The following ZNF583 variants were observed in gnomAD, a reference collection of about 807,000 sequenced individuals.
ZNF583 encodes zinc finger protein 583.
A neutral mutation model predicts 55.3 loss-of-function variants in ZNF583; 30 were observed. The ratio of observed to expected loss-of-function variants is 0.54; its 90% CI spans 0.41 to 0.74. The LOEUF is 0.74. Ranked by LOEUF, ZNF583 falls within the 30% of genes least tolerant of loss-of-function variation. The pLI is 0.00. For synonymous variants in ZNF583, 208 were observed against 220.0 expected, an observed-to-expected ratio of 0.95 and a Z score of 0.48; for missense variants, 504 against 664.7, an observed-to-expected ratio of 0.76 and a Z score of 2.66.
At chr19:56,407,441 G>T (rs951633875) in intron 2 of ZNF583, among the ~76,000 whole-genome samples, 94 of 152,230 alleles carry the variant, frequency 6.2e-4, no homozygotes, top group African/African-American at 1.9e-3. Context: ...TGAGACTGAG[G>T]TGTATGTTCA....
At position 56,423,844 on chromosome 19, in the gene ZNF583, G is replaced by A. The variant is rs1458908679; in HGVS notation, c.1186G>A (p.Ala396Thr). ...RKAFSQYAHL[A>T]QHQRVHTGEK... ...AGCCTTCAGCCAGTATGCACACCTT[G>A]CTCAACATCAGAGAGTTCATACTGG... The change falls in exon 5 of 5, where the codon GCT (alanine) becomes ACT (threonine). Residue 396 changes from alanine to threonine, a missense_variant. Ala to Thr is a moderately conservative substitution (Grantham distance 58). This residue lies in a region of ZNF583 where 237 missense variants were observed against 373.0 expected (regional missense o/e 0.64). Transcript: ENST00000333201. 3 of 1,613,766 alleles carry A rather than the reference G, an allele frequency of 1.9e-6. No individual in the cohort carries two copies. Among genetic ancestry groups the A allele is most frequent in the South Asian group, 1.1e-5 (1 of 91,060 alleles).
Position 56,423,040 on chromosome 19 carries a change from T to TA in ZNF583, c.383dup (p.Tyr128Ter). The change falls in exon 5 of 5, where the codon TAT (tyrosine) becomes TAAT (stop). Residue 128 changes from tyrosine to a stop codon, truncating the protein, a stop_gained and frameshift_variant. Transcript: ENST00000333201. LOFTEE classifies it high-confidence loss of function. ...AGAAGACTGTCAAAGTGAGGACTGG[T>TA]ATAAGAACCAGCTGGGAAGTCAAGA... ...LREDCQSEDWYKNQLGSQEVH... is the reference protein window; with the variant it reads ...LREDCQSEDW 2 of 1,614,006 alleles carry TA rather than the reference T, an allele frequency of 1.2e-6. No homozygotes were observed. Among genetic ancestry groups the TA allele is most frequent in the Non-Finnish European group, 1.7e-6 (2 of 1,179,950 alleles).
At chr19:56,416,345 A>G (rs1310047732) in intron 4 of ZNF583, among the ~76,000 whole-genome samples, 1 of 151,602 alleles carries the variant, frequency 6.6e-6, no homozygotes, top group East Asian at 1.9e-4. Context: ...AAAAAAAAGA[A>G]TACATTTATT....
At chr19:56,414,198 A>G in intron 3 of ZNF583, 113 bp downstream of exon 3, 12 of 1,523,702 alleles carry the variant, frequency 7.9e-6, no homozygotes, top group Non-Finnish European at 9.9e-6. Context: ...GCTTCCCAAA[A>G]TAGGTTGAAT....
chr19:56,423,182 A>T lies in ZNF583; in HGVS notation c.524A>T (p.Gln175Leu), dbSNP rs2042445387. 4 of 1,613,082 alleles carry T rather than the reference A, an allele frequency of 2.5e-6. No individual in the cohort carries two copies. In the African/African-American group the frequency reaches 5.3e-5, roughly 22 times the overall value. Reference sequence around the variant, plus strand: ...CAGGATACAATCTTTGATATACAACAGAGTTTTCCCACCAAAGAAAAAGCA... The same window carrying T: ...CAGGATACAATCTTTGATATACAACTGAGTTTTCCCACCAAAGAAAAAGCA... ...FHQDTIFDIQ[Q>L]SFPTKEKAHK... Residue 175 changes from glutamine (Q) to leucine (L), a missense_variant, in exon 5 of 5, where the codon CAG becomes CTG. Transcript: ENST00000333201.
chr19:56,412,211 T>C (rs2042248979), intron 2 of ZNF583, among the ~76,000 whole-genome samples: 1 of 152,214 alleles, frequency 6.6e-6, no homozygotes, highest in Non-Finnish European at 1.5e-5. Context: ...TTCAGGTGTG[T>C]ACCATTGAAT....
Position 56,424,503 on chromosome 19 carries a change from T to C in ZNF583, c.*135T>C. ...TGTACTCACCATTGTCTCTGTCAGA[T>C]GTCCACATTGCAACCAAATTTGTAT... On this transcript the variant is annotated 3_prime_UTR_variant, in exon 5 of 5. Coordinates refer to ENST00000333201, the MANE Select transcript of ZNF583 (RefSeq NM_152478.3). The C allele has an allele frequency of 1.8e-6, 1 of 546,946 alleles. No homozygotes were observed. The highest frequency in any genetic ancestry group is 3.2e-6 in the Non-Finnish European group (1 of 309,136). 33.9% of individuals were successfully genotyped at this position (546,946 alleles called of 1,614,324 possible).
Position 56,425,143 on chromosome 19 carries a change from G to A in ZNF583, c.*775G>A, listed in dbSNP as rs1415772727. 6.6e-6 allele frequency: 1 copy of A among 151,892 alleles called. No individual in the cohort carries two copies. 9.4% of individuals were successfully genotyped at this position (151,892 alleles called of 1,614,324 possible). ...ATTTACATTAGAGTCCATGATATAGGGTAAGATGGTGGCTTGTATCAGCAT... is the reference window on the plus strand; with the variant it reads ...ATTTACATTAGAGTCCATGATATAGAGTAAGATGGTGGCTTGTATCAGCAT... On this transcript the variant is annotated 3_prime_UTR_variant, in exon 5 of 5. Transcript: ENST00000333201.
Position 56,423,767 on chromosome 19 carries a change from A to G in ZNF583, c.1109A>G (p.His370Arg). The G allele has an allele frequency of 1.2e-6, 2 of 1,613,746 alleles. No homozygotes were observed. The highest frequency in any genetic ancestry group is 1.7e-6 in the Non-Finnish European group (2 of 1,179,940). Residue 370 changes from histidine (H) to arginine (R), a missense_variant, in exon 5 of 5, where the codon CAT becomes CGT. Transcript: ENST00000333201. ...AFSHRGYLIV[H>R]QRIHTGERPY... ...AGCCATCGTGGATACCTAATTGTAC[A>G]TCAGAGAATTCATACTGGAGAGAGA...
intron 4 of ZNF583, among the ~76,000 whole-genome samples, chr19:56,418,739 A>G (rs569090103): frequency 6.6e-6 from 1 of 151,846 alleles, no homozygotes; most frequent in Admixed American, 6.6e-5. Context: ...TGATCCTTAT[A>G]CCTTATTTTT....
chr19:56,422,777 C>T, intron 4 of ZNF583, 114 bp from the exon 5 acceptor site: 2 of 661,004 alleles, frequency 3.0e-6, no homozygotes, highest in South Asian at 2.5e-5. Context: ...TTTTAGAATG[C>T]ATTATAAGCT....
intron 4 of ZNF583, among the ~76,000 whole-genome samples, chr19:56,421,763 G>A (rs1165090702): frequency 6.6e-6 from 1 of 152,074 alleles, no homozygotes; most frequent in South Asian, 2.1e-4. Context: ...TCAAGGGTGA[G>A]AAAAAAACTT....
intron 2 of ZNF583, 89 bp downstream of exon 2, chr19:56,407,212 A>G (rs1478234581): frequency 2.0e-6 from 3 of 1,477,704 alleles, no homozygotes; most frequent in Non-Finnish European, 2.8e-6. Context: ...AAATTCTGCA[A>G]CCTAATAAGG....
chr19:56,422,692 T>G (rs962814707), intron 4 of ZNF583, among the ~76,000 whole-genome samples, 199 bp from the exon 5 acceptor site: 1 of 152,220 alleles, frequency 6.6e-6, no homozygotes, highest in South Asian at 2.1e-4. Context: ...TTTGTTCTTA[T>G]ATTTACCTTA....
Position 56,424,597 on chromosome 19 carries a change from G to T in ZNF583, c.*229G>T, listed in dbSNP as rs377723279. 4.4e-6 allele frequency: 2 copies of T among 454,252 alleles called. No homozygotes were observed. The allele number at this position is 454,252 out of a possible 1,614,324, so 28.1% of individuals were successfully genotyped here. A position where few individuals can be genotyped will look rare whatever the true frequency, so the allele number is the denominator to read the frequency against. On this transcript the variant is annotated 3_prime_UTR_variant, in exon 5 of 5. Coordinates refer to ENST00000333201, the MANE Select transcript of ZNF583 (RefSeq NM_152478.3). ...CTCAGTGGCATCCCATGGTTTTTAA[G>T]TTAAAGCACACATTCTTCAAAATAG...
rs755393034 is a variant in ZNF583 at position 56,426,012 on chromosome 19, G to A, written c.*1644G>A. ...CAAACAGAATGACGAAAGTTTAATGGAGGATGAAAAAGAAGACAAATAAAT... is the reference window on the plus strand; with the variant it reads ...CAAACAGAATGACGAAAGTTTAATGAAGGATGAAAAAGAAGACAAATAAAT... On this transcript the variant is annotated 3_prime_UTR_variant, in exon 5 of 5. Transcript: ENST00000333201. The A allele has an allele frequency of 3.0e-4, 46 of 152,116 alleles. No individual in the cohort carries two copies. Among genetic ancestry groups the A allele is most frequent in the Admixed American group, 2.9e-3 (44 of 15,268 alleles). 9.4% of individuals were successfully genotyped at this position (152,116 alleles called of 1,614,324 possible).
intron 1 of ZNF583, among the ~76,000 whole-genome samples, chr19:56,405,264 G>C (rs1341861150): frequency 2.6e-5 from 4 of 152,180 alleles, no homozygotes; most frequent in Admixed American, 6.5e-5. Flanking sequence ...GACTGAGGGA[G>C]ATGGTGTGAC....
intron 2 of ZNF583, among the ~76,000 whole-genome samples, chr19:56,410,606 G>T (rs1205666377): frequency 6.6e-6 from 1 of 152,166 alleles, no homozygotes; most frequent in Non-Finnish European, 1.5e-5. Context: ...GGAAGCTGAG[G>T]CAGGAGAATT....
chr19:56,407,052 C>T lies in ZNF583; in HGVS notation c.-63C>T, dbSNP rs905310382. 22 of 1,603,558 alleles carry T rather than the reference C, an allele frequency of 1.4e-5. No homozygotes were observed. The highest frequency in any genetic ancestry group is 1.8e-5 in the Non-Finnish European group (21 of 1,171,908). On this transcript the variant is annotated 5_prime_UTR_variant, in exon 2 of 5. Transcript: ENST00000333201. ...TCGACTTTCTCAGGATACTGTCCCT[C>T]TCCCACAGAGGAGCTGAAGGAGTAG...
Sources: gnomAD v4.1 joint callset for allele counts (sites outside exome capture counted in the v4.1 genomes callset) on GRCh38, gnomAD v4.1.1 for gene constraint, gnomAD v4.1.1 regional missense constraint, MANE v1.5 for transcripts, NCBI Gene and HGNC (gene_info 2026-07-23, HGNC 2026-07-21) for gene names.